The following MGAT4C variants were observed in gnomAD, a reference collection of about 807,000 sequenced individuals.
The protein encoded by MGAT4C is MGAT4 family member C.
MGAT4C carries 19 observed loss-of-function variants against 40.1 expected under a neutral mutation model. The ratio of observed to expected loss-of-function variants is 0.47; its 90% CI spans 0.33 to 0.70. The LOEUF is 0.70. Among genes scored for constraint, MGAT4C ranks in the 30% least tolerant of loss-of-function variants. The probability of loss-of-function intolerance (pLI) is 0.02; values close to 1 mark genes in which losing one functional copy is unlikely to be tolerated. For missense variants in MGAT4C, 491 were observed against 563.2 expected (o/e 0.87, Z 1.30); for synonymous variants, 181 against 187.1 (o/e 0.97, Z 0.27).
At chr12:86,814,022 T>C (rs1351339803) in intron 1 of MGAT4C, among the ~76,000 whole-genome samples, 1 of 151,852 alleles carries the variant, frequency 6.6e-6, no homozygotes, top group Non-Finnish European at 1.5e-5. Context: ...GCAATTCTCC[T>C]GCCTCAGCCT....
At chr12:86,773,329 G>C (rs922707234) in intron 1 of MGAT4C, among the ~76,000 whole-genome samples, 27 of 152,180 alleles carry the variant, frequency 1.8e-4, no homozygotes, top group Non-Finnish European at 2.8e-4. Context: ...GGAGAAGATA[G>C]CCACCTGTAA....
At chr12:86,405,947 C>T (rs1448322017) in intron 3 of MGAT4C, among the ~76,000 whole-genome samples, 6 of 3,234 alleles carry the variant, frequency 1.9e-3, no homozygotes, top group African/African-American at 5.0e-3. Context: ...TTTATAAATA[C>T]ATGTATGTAT....
intron 2 of MGAT4C, among the ~76,000 whole-genome samples, chr12:86,660,800 A>G (rs143666668): frequency 3.3e-5 from 5 of 152,252 alleles, no homozygotes; most frequent in African/African-American, 1.2e-4. Context: ...CCTAGTTGGG[A>G]CATTCTATAT....
At chr12:86,046,527 A>G (rs1040603427) in intron 2 of MGAT4C, among the ~76,000 whole-genome samples, 1 of 152,136 alleles carries the variant, frequency 6.6e-6, no homozygotes, top group Non-Finnish European at 1.5e-5. Flanking sequence ...ACACATTAGT[A>G]AGCTGTGTAA....
intron 3 of MGAT4C, among the ~76,000 whole-genome samples, chr12:86,392,900 A>G (rs986106567): frequency 6.6e-6 from 1 of 152,220 alleles, no homozygotes; most frequent in African/African-American, 2.4e-5. Context: ...AAATATTAAC[A>G]GAATATGATA....
At chr12:86,259,314 T>A (rs1952606765), upstream of MGAT4C, among the ~76,000 whole-genome samples, 1 of 152,022 alleles carries the variant, frequency 6.6e-6, no homozygotes, top group African/African-American at 2.4e-5. Flanking sequence ...TGCACATGTA[T>A]CTGGGTTAAG....
chr12:86,639,369 C>T (rs993033472), intron 2 of MGAT4C, among the ~76,000 whole-genome samples: 7 of 151,492 alleles, frequency 4.6e-5, no homozygotes, highest in Admixed American at 2.6e-4. Flanking sequence ...AATAAGAGAA[C>T]TTTGTATAAG....
Position 85,989,411 on chromosome 12 carries a change from T to C in MGAT4C, c.136A>G (p.Ser46Gly). ...LLFMNLYIED[S>G]YVLEGDKQLI... Reference sequence around the variant, plus strand: ...CCTCCCAAACTTACCAGAACATAGCTATCTTCAATGTACAAGTTCATAAAA... The same window carrying C: ...CCTCCCAAACTTACCAGAACATAGCCATCTTCAATGTACAAGTTCATAAAA... The change falls in exon 3 of 5, where the codon AGC (serine) becomes GGC (glycine). Residue 46 changes from serine (S) to glycine (G), a missense_variant. Transcript: ENST00000611864. The C allele has an allele frequency of 6.3e-7, 1 of 1,599,436 alleles. No homozygotes were observed. The highest frequency in any genetic ancestry group is 8.5e-7 in the Non-Finnish European group (1 of 1,174,148).
intron 2 of MGAT4C, among the ~76,000 whole-genome samples, chr12:86,006,384 G>T (rs1887879104): frequency 6.6e-6 from 1 of 151,990 alleles, no homozygotes; most frequent in Non-Finnish European, 1.5e-5. Flanking sequence ...TTAAATTCCT[G>T]ACTGCTAACC....
chr12:86,520,545 T>C (rs1468168003), intron 2 of MGAT4C, among the ~76,000 whole-genome samples: 1 of 152,198 alleles, frequency 6.6e-6, no homozygotes, highest in South Asian at 2.1e-4. Context: ...TATGTGTGCA[T>C]GTATGTTTAT....
Position 86,525,262 on chromosome 12 carries a change from C to T in MGAT4C, c.-228-89997G>A, listed in dbSNP as rs1418056966. ...AAAGTGTTTGGCAGTTTCCCTCCCACCATCCTCTCTCTCCTACTGCCTGTG... is the reference window on the plus strand; with the variant it reads ...AAAGTGTTTGGCAGTTTCCCTCCCATCATCCTCTCTCTCCTACTGCCTGTG... On this transcript the variant is annotated intron_variant, in intron 2 of 7. Coordinates refer to the MGAT4C transcript ENST00000548651. 2.6e-5 allele frequency among the ~76,000 whole-genome samples: 4 copies of T among 152,166 alleles called. No homozygotes were observed. In the East Asian group the frequency reaches 7.7e-4, roughly 29 times the overall value.
intron 1 of MGAT4C, among the ~76,000 whole-genome samples, chr12:86,775,372 C>A (rs907545583): frequency 6.6e-6 from 1 of 151,076 alleles, no homozygotes; most frequent in Non-Finnish European, 1.5e-5. Context: ...ATGTATTATA[C>A]AAGCAATGCA....
chr12:86,612,840 CTACA>C (rs1178508097), intron 2 of MGAT4C, among the ~76,000 whole-genome samples: 1 of 151,546 alleles, frequency 6.6e-6, no homozygotes, highest in Non-Finnish European at 1.5e-5. Flanking sequence ...TAAATTATTC[CTACA>C]TAAATTATGA....
intron 3 of MGAT4C, among the ~76,000 whole-genome samples, chr12:86,426,928 C>T (rs1188961376): frequency 6.6e-6 from 1 of 151,980 alleles, no homozygotes; most frequent in Non-Finnish European, 1.5e-5. Context: ...GCCTGGGCAA[C>T]AGAGCGAGAA....
intron 1 of MGAT4C, among the ~76,000 whole-genome samples, chr12:86,794,248 A>T (rs2136195891): frequency 6.6e-6 from 1 of 151,922 alleles, no homozygotes; most frequent in African/African-American, 2.4e-5. Context: ...TCTTTTTAAC[A>T]TTTTATTAAA....
intron 1 of MGAT4C, among the ~76,000 whole-genome samples, chr12:86,067,522 A>C (rs193158600): frequency 1.4e-4 from 21 of 150,176 alleles, no homozygotes; most frequent in African/African-American, 5.1e-4. Context: ...ACACATGGAC[A>C]TAGGGAGGGG....
Position 86,338,958 on chromosome 12 carries a change from CAAAAAAAAAAAAAA to C in MGAT4C, c.-119-4845_-119-4832del, listed in dbSNP as rs67462771. On this transcript the variant is annotated intron_variant, in intron 3 of 7. Transcript: ENST00000548651. ...TGGGTGACAGAGTGAGACTCCATCTCAAAAAAAAAAAAAAAAAAAAAAAACAGAGAGAAAGAGAG... is the reference window on the plus strand; with the variant it reads ...TGGGTGACAGAGTGAGACTCCATCTCAAAAAAAAAACAGAGAGAAAGAGAG... Among the ~76,000 whole-genome samples the C allele has an allele frequency of 6.0e-5, 4 of 66,118 alleles. No homozygotes were observed. The East Asian group carries it at 1.9e-3, about 31-fold the overall frequency. The allele number at this position is 66,118 out of a possible 152,430, so 43.4% of individuals were successfully genotyped here. A position where few individuals can be genotyped will look rare whatever the true frequency, so the allele number is the denominator to read the frequency against.
chr12:86,512,672 G>T (rs1958612065), intron 2 of MGAT4C, among the ~76,000 whole-genome samples: 1 of 152,048 alleles, frequency 6.6e-6, no homozygotes, highest in Non-Finnish European at 1.5e-5. Flanking sequence ...AGTGGAATTA[G>T]CCAGTCACAG....
At chr12:86,606,984 G>C (rs1262836635) in intron 2 of MGAT4C, among the ~76,000 whole-genome samples, 2 of 152,022 alleles carry the variant, frequency 1.3e-5, no homozygotes, top group Admixed American at 6.6e-5. Context: ...CATTATTCCT[G>C]TGTATAAAAT....
Sources: gnomAD v4.1 joint callset for allele counts (sites outside exome capture counted in the v4.1 genomes callset) on GRCh38, gnomAD v4.1.1 for gene constraint, MANE v1.5 for transcripts, NCBI Gene and HGNC (gene_info 2026-07-23, HGNC 2026-07-21) for gene names.